Variants in LRRTM4 observed in about 807,000 individuals in gnomAD.
The protein encoded by LRRTM4 is leucine rich repeat transmembrane neuronal 4.
LRRTM4 carries 25 observed loss-of-function variants against 47.6 expected under a neutral mutation model. That is an observed-to-expected ratio of 0.53 (90% CI 0.38 to 0.73). The LOEUF (loss-of-function observed/expected upper bound fraction) is 0.73. LRRTM4 is among the 30% of genes least tolerant of loss of function. LRRTM4 has a pLI of 0.00. For synonymous variants in LRRTM4, 311 were observed against 269.5 expected, an observed-to-expected ratio of 1.15 and a Z score of -1.51; for missense variants, 638 against 713.4, an observed-to-expected ratio of 0.89 and a Z score of 1.20.
chr2:77,115,604 A>G (rs990462034), intron 3 of LRRTM4, among the ~76,000 whole-genome samples: 3 of 152,086 alleles, frequency 2.0e-5, no homozygotes, highest in African/African-American at 7.3e-5. Flanking sequence ...CCCTCAACAG[A>G]AAGCAAAACA....
rs1232473975 is a variant in LRRTM4 at position 77,026,808 on chromosome 2, A to G, written c.1552-277892T>C. On this transcript the variant is annotated intron_variant, in intron 3 of 3. Transcript: ENST00000409884. ...TGGGGAAGCCACAATGTTAGACTGTAGAAATACACATGTATTCAAAAGAAG... is the reference window on the plus strand; with the variant it reads ...TGGGGAAGCCACAATGTTAGACTGTGGAAATACACATGTATTCAAAAGAAG... 3.3e-5 allele frequency among the ~76,000 whole-genome samples: 5 copies of G among 152,296 alleles called. No homozygotes were observed. The East Asian group carries it at 7.7e-4, about 23-fold the overall frequency.
At chr2:77,449,692 G>T (rs949902177) in intron 3 of LRRTM4, among the ~76,000 whole-genome samples, 1 of 152,164 alleles carries the variant, frequency 6.6e-6, no homozygotes, top group Admixed American at 6.5e-5. Context: ...GTAGCCACTC[G>T]CAGCAACTGT....
chr2:77,360,567 T>C (rs1031374063), intron 3 of LRRTM4, among the ~76,000 whole-genome samples: 1 of 149,630 alleles, frequency 6.7e-6, no homozygotes, highest in Admixed American at 6.6e-5. Flanking sequence ...CATACATACA[T>C]ACATACATAC....
Position 77,178,631 on chromosome 2 carries a change from TC to T in LRRTM4, c.1551+339686del, listed in dbSNP as rs202112285. On this transcript the variant is annotated intron_variant, in intron 3 of 3. Coordinates refer to ENST00000409884, the MANE Select transcript of LRRTM4 (RefSeq NM_001134745.3). The stretch of plus-strand genomic sequence containing the variant: ...ACAACAACAACAAATAATACTTTTT[TC>T]TTTACTGTTTCCCTATTTCATATAT... Among the ~76,000 whole-genome samples, 45 of 151,268 alleles carry T rather than the reference TC, an allele frequency of 3.0e-4. 1 individual carries two copies. Among genetic ancestry groups the T allele is most frequent in the African/African-American group, 6.3e-4 (26 of 41,182 alleles).
intron 3 of LRRTM4, among the ~76,000 whole-genome samples, chr2:76,926,437 A>C (rs1674591462): frequency 6.6e-6 from 1 of 152,144 alleles, no homozygotes; most frequent in Non-Finnish European, 1.5e-5. Context: ...ATCATTGCCT[A>C]TTTTGTATAT....
At chr2:77,314,542 A>C (rs1241039425) in intron 3 of LRRTM4, among the ~76,000 whole-genome samples, 1 of 152,174 alleles carries the variant, frequency 6.6e-6, no homozygotes, top group African/African-American at 2.4e-5. Flanking sequence ...TATGTTTGGC[A>C]GGATTACTAA....
chr2:76,876,045 A>G (rs754732069), intron 3 of LRRTM4, among the ~76,000 whole-genome samples: 15 of 152,140 alleles, frequency 9.9e-5, no homozygotes, highest in Admixed American at 4.6e-4. Flanking sequence ...GGGTTTCTCT[A>G]GTTGTCTCCA....
At chr2:77,126,834 G>A (rs1237968684) in intron 3 of LRRTM4, among the ~76,000 whole-genome samples, 3 of 152,176 alleles carry the variant, frequency 2.0e-5, no homozygotes, top group Non-Finnish European at 4.4e-5. Flanking sequence ...CACATCACTG[G>A]CTTTTTTCAG....
chr2:76,780,797 G>C (rs778400606), intron 3 of LRRTM4, among the ~76,000 whole-genome samples: 2 of 152,004 alleles, frequency 1.3e-5, no homozygotes, highest in Non-Finnish European at 2.9e-5. Flanking sequence ...TTCCGTTGCT[G>C]GTGAGGAACT....
chr2:76,797,570 G>T (rs908152543), intron 3 of LRRTM4, among the ~76,000 whole-genome samples: 42 of 151,156 alleles, frequency 2.8e-4, no homozygotes, highest in Middle Eastern at 6.8e-3. Flanking sequence ...ACCAGCAAAA[G>T]AGCGAGCTAA....
intron 3 of LRRTM4, among the ~76,000 whole-genome samples, chr2:76,813,209 T>C (rs527666448): frequency 6.6e-6 from 1 of 152,236 alleles, no homozygotes; most frequent in East Asian, 1.9e-4. Flanking sequence ...GGAATACATG[T>C]ATATGTGTAT....
intron 3 of LRRTM4, among the ~76,000 whole-genome samples, chr2:76,834,314 G>GTT (rs1671447938): frequency 6.6e-6 from 1 of 151,562 alleles, no homozygotes; most frequent in East Asian, 1.9e-4. Context: ...TCCTCCCAAA[G>GTT]TACTGGGATT....
chr2:76,843,401 T>C (rs1051091701), intron 3 of LRRTM4, among the ~76,000 whole-genome samples: 12 of 152,170 alleles, frequency 7.9e-5, no homozygotes, highest in Admixed American at 6.6e-5. Context: ...TGTTAGATAA[T>C]ATATATCTAA....
intron 3 of LRRTM4, among the ~76,000 whole-genome samples, chr2:77,456,438 A>G (rs1676544849): frequency 6.6e-6 from 1 of 152,178 alleles, no homozygotes; most frequent in African/African-American, 2.4e-5. Context: ...CAGGCTTACA[A>G]CTAAAGCCTC....
chr2:77,063,122 T>G (rs945327487), intron 3 of LRRTM4, among the ~76,000 whole-genome samples: 1 of 135,686 alleles, frequency 7.4e-6, no homozygotes, highest in African/African-American at 3.7e-5. Flanking sequence ...GCCCAGCTAA[T>G]CTTTGTATTT....
chr2:77,083,938 G>A (rs1427636856), intron 3 of LRRTM4, among the ~76,000 whole-genome samples: 5 of 151,136 alleles, frequency 3.3e-5, no homozygotes, highest in East Asian at 2.0e-4. Context: ...CCGAGTAGCT[G>A]GGACTACAGG....
intron 3 of LRRTM4, among the ~76,000 whole-genome samples, chr2:77,318,703 T>C (rs1469035556): frequency 2.0e-5 from 3 of 152,164 alleles, no homozygotes; most frequent in African/African-American, 7.2e-5. Flanking sequence ...AAGTGATCAT[T>C]ATAATTTTAG....
chr2:77,382,336 CT>C (rs1303876577), intron 3 of LRRTM4, among the ~76,000 whole-genome samples: 2 of 152,096 alleles, frequency 1.3e-5, no homozygotes, highest in African/African-American at 2.4e-5. Context: ...CATATAATTT[CT>C]CCCAGAAACC....
chr2:77,060,745 G>A (rs1679759913), intron 3 of LRRTM4, among the ~76,000 whole-genome samples: 1 of 152,054 alleles, frequency 6.6e-6, no homozygotes, highest in South Asian at 2.1e-4. Flanking sequence ...TAAGTGCAAT[G>A]TATCTTAAGA....
Sources: gnomAD v4.1 joint callset for allele counts (sites outside exome capture counted in the v4.1 genomes callset) on GRCh38, gnomAD v4.1.1 for gene constraint, MANE v1.5 for transcripts, NCBI Gene and HGNC (gene_info 2026-07-23, HGNC 2026-07-21) for gene names.